Variants in AFAP1 observed in about 807,000 individuals in gnomAD.
The protein encoded by AFAP1 is actin filament associated protein 1.
In AFAP1, 75 loss-of-function variants were observed where a neutral mutation model predicts 93.9. The observed-to-expected ratio is 0.80, with a 90% confidence interval of 0.66 to 0.97. The LOEUF (loss-of-function observed/expected upper bound fraction) is 0.97, where lower values mean the gene tolerates loss of function less well. Ranked by LOEUF, AFAP1 falls within the 50% of genes least tolerant of loss-of-function variation. The pLI is 0.00. For synonymous variants in AFAP1, 517 were observed against 430.7 expected (o/e 1.20, Z -2.48); for missense variants, 1,201 against 1,050.8 (o/e 1.14, Z -1.98).
At chr4:7,937,686 C>G (rs1721471856) in intron 1 of AFAP1, among the ~76,000 whole-genome samples, 1 of 152,148 alleles carries the variant, frequency 6.6e-6, no homozygotes, top group African/African-American at 2.4e-5. Flanking sequence ...GGGGTTTCAC[C>G]ATGTTGGCCA....
chr4:7,778,550 A>C (rs1716394753), intron 14 of AFAP1: 2 of 602,992 alleles, frequency 3.3e-6, no homozygotes, highest in African/African-American at 3.7e-5. Flanking sequence ...GTGGCAAACC[A>C]GTTCTGGGCT....
Position 7,781,416 on chromosome 4 carries a change from G to A in AFAP1, c.1742C>T (p.Thr581Ile), listed in dbSNP as rs1306480496. 3.2e-6 allele frequency: 5 copies of A among 1,551,870 alleles called. No individual in the cohort carries two copies. The South Asian group carries it at 3.6e-5, about 11-fold the overall frequency. Residue 581 changes from threonine to isoleucine, a missense_variant, in exon 13 of 18, where the codon ACC (threonine) becomes ATC (isoleucine). By Grantham distance (89) the Thr-to-Ile change is moderately conservative (BLOSUM62 -1). Transcript: ENST00000420658. Reference sequence around the variant, plus strand: ...GAGAGACGCCCTCCCCACAGAAGAGGTATTAGTGACAGACTGAGCGGAGGC... The same window carrying A: ...GAGAGACGCCCTCCCCACAGAAGAGATATTAGTGACAGACTGAGCGGAGGC... ...YPASAQSVTNTSSVGRASLGL... is the reference protein window; with the variant it reads ...YPASAQSVTNISSVGRASLGL...
rs747193934 is a variant in AFAP1 at position 7,816,036 on chromosome 4, A to G, written c.886T>C (p.Cys296Arg). ...AACTCACCTTGCTCCTTTCCATTAC[A>G]TGTGGTAATTCCATTTTCCACAACA... is the stretch of plus-strand genomic sequence containing the variant. ...EGVVENGITT[C>R]NGKEQVKRKK... Residue 296 changes from cysteine (C) to arginine (R), a missense_variant, in exon 8 of 18, where the codon TGT becomes CGT. Physicochemically the swap from Cys to Arg is radical, Grantham distance 180. Coordinates refer to ENST00000420658, the MANE Select transcript of AFAP1 (RefSeq NM_001134647.2). 1 of 1,612,660 alleles carries G rather than the reference A, an allele frequency of 6.2e-7. No homozygotes were observed. The highest frequency in any genetic ancestry group is 1.1e-5 in the South Asian group (1 of 91,028).
At chr4:7,913,709 T>C (rs1360652006) in intron 1 of AFAP1, among the ~76,000 whole-genome samples, 1 of 152,224 alleles carries the variant, frequency 6.6e-6, no homozygotes, top group Non-Finnish European at 1.5e-5. Flanking sequence ...CCTGTGACTG[T>C]ATCTAAAGCA....
chr4:7,889,573 C>T (rs1318205857), intron 1 of AFAP1, among the ~76,000 whole-genome samples: 4 of 145,318 alleles, frequency 2.8e-5, no homozygotes, highest in African/African-American at 5.0e-5. Flanking sequence ...AAAAAAAAGG[C>T]ATACATATAA....
At chr4:7,840,063 G>A (rs889833494) in intron 5 of AFAP1, among the ~76,000 whole-genome samples, 3 of 152,092 alleles carry the variant, frequency 2.0e-5, no homozygotes, top group Non-Finnish European at 2.9e-5. Flanking sequence ...TGAAACCGAG[G>A]TGCAGCTGGT....
At chr4:7,842,897 T>G (rs1713223611) in intron 5 of AFAP1, 1 of 509,440 alleles carries the variant, frequency 2.0e-6, no homozygotes, top group African/African-American at 1.9e-5. Flanking sequence ...TGGGAATGAT[T>G]TTGTTCGCTG....
At chr4:7,895,150 C>T (rs1191222570) in intron 1 of AFAP1, among the ~76,000 whole-genome samples, 2 of 152,208 alleles carry the variant, frequency 1.3e-5, no homozygotes, top group Non-Finnish European at 2.9e-5. Context: ...CTGGACACAG[C>T]GAATGAACAC....
intron 1 of AFAP1, among the ~76,000 whole-genome samples, chr4:7,877,753 C>A (rs1048816627): frequency 2.6e-5 from 4 of 152,102 alleles, no homozygotes; most frequent in African/African-American, 9.7e-5. Context: ...GACGTTATAC[C>A]CATTTTGTAT....
At chr4:7,808,957 C>G (rs1335592373) in intron 9 of AFAP1, among the ~76,000 whole-genome samples, 1 of 152,176 alleles carries the variant, frequency 6.6e-6, no homozygotes, top group African/African-American at 2.4e-5. Context: ...GAACCATAAG[C>G]CAGATAAACC....
chr4:7,783,616 T>G (rs543284631), intron 12 of AFAP1, among the ~76,000 whole-genome samples: 1 of 152,310 alleles, frequency 6.6e-6, no homozygotes, highest in East Asian at 1.9e-4. Context: ...AATTCCTACA[T>G]GCAGAGCCCT....
rs1029195877 is a variant in AFAP1, at chr4:7,761,177, A to G, written c.*2588T>C. 2.0e-5 allele frequency: 3 copies of G among 152,404 alleles called. No individual in the cohort carries two copies. Among genetic ancestry groups the G allele is most frequent in the African/African-American group, 7.2e-5 (3 of 41,594 alleles). 9.4% of individuals were successfully genotyped at this position (152,404 alleles called of 1,614,324 possible). On this transcript the variant is annotated 3_prime_UTR_variant, in exon 18 of 18. Transcript: ENST00000420658. The stretch of plus-strand genomic sequence containing the variant: ...AAAACTATATTTATTGAACATATAC[A>G]CATAAATAACTTATTCTGAAGTAAA...
At chr4:7,820,626 G>A (rs541537031) in intron 6 of AFAP1, among the ~76,000 whole-genome samples, 28 of 152,292 alleles carry the variant, frequency 1.8e-4, no homozygotes, top group African/African-American at 5.8e-4. Context: ...AGAGACAGCC[G>A]TGACTCCCTA....
At chr4:7,851,332 C>A (rs28607438) in intron 4 of AFAP1, among the ~76,000 whole-genome samples, 13,922 of 152,242 alleles carry the variant, frequency 0.091, 1,212 homozygotes, top group East Asian at 0.48. Flanking sequence ...GCTCCATCCA[C>A]TCCAGAAGAT....
chr4:7,925,989 G>A (rs1277522056), intron 1 of AFAP1, among the ~76,000 whole-genome samples: 1 of 152,148 alleles, frequency 6.6e-6, no homozygotes, highest in African/African-American at 2.4e-5. Flanking sequence ...TAAAATAGCT[G>A]ACAAATATTA....
At chr4:7,914,766 G>A (rs1424367737) in intron 1 of AFAP1, among the ~76,000 whole-genome samples, 1 of 151,834 alleles carries the variant, frequency 6.6e-6, no homozygotes, top group Non-Finnish European at 1.5e-5. Flanking sequence ...CTTTTTCTCT[G>A]AGACAGTCTC....
intron 1 of AFAP1, among the ~76,000 whole-genome samples, chr4:7,911,630 G>A (rs1159498264): frequency 9.2e-5 from 14 of 152,152 alleles, no homozygotes; most frequent in Admixed American, 9.2e-4. Flanking sequence ...GAGTTTCTGA[G>A]TTTATGAAAC....
chr4:7,819,975 C>T (rs909080239), intron 6 of AFAP1, among the ~76,000 whole-genome samples: 4 of 152,198 alleles, frequency 2.6e-5, no homozygotes, highest in African/African-American at 7.2e-5. Context: ...ATAACCAGCA[C>T]TTGATTGTTA....
At chr4:7,882,546 C>A (rs929921891) in intron 1 of AFAP1, among the ~76,000 whole-genome samples, 1 of 152,130 alleles carries the variant, frequency 6.6e-6, no homozygotes, top group Non-Finnish European at 1.5e-5. Flanking sequence ...TACTACCATG[C>A]CCTTACCAAA....
Sources: gnomAD v4.1 joint callset for allele counts (sites outside exome capture counted in the v4.1 genomes callset) on GRCh38, gnomAD v4.1.1 for gene constraint, MANE v1.5 for transcripts, NCBI Gene and HGNC (gene_info 2026-07-23, HGNC 2026-07-21) for gene names.